Variants in BICRA observed in about 807,000 individuals in gnomAD.
The protein encoded by BICRA is BRD4 interacting chromatin remodeling complex associated protein.
A neutral mutation model predicts 96.9 loss-of-function variants in BICRA; 31 were observed. The ratio of observed to expected loss-of-function variants is 0.32; its 90% CI spans 0.24 to 0.43. The LOEUF is 0.43. Among genes scored for constraint, BICRA ranks in the 20% least tolerant of loss-of-function variants. The probability of loss-of-function intolerance (pLI) is 1.00; values close to 1 mark genes in which losing one functional copy is unlikely to be tolerated. For missense variants in BICRA, 2,283 were observed against 2,190.3 expected (o/e 1.04, Z -0.84); for synonymous variants, 1,350 against 1,071.8 (o/e 1.26, Z -5.07).
At chr19:47,670,199 C>T (rs775765340) in intron 1 of BICRA, among the ~76,000 whole-genome samples, 1 of 152,144 alleles carries the variant, frequency 6.6e-6, no homozygotes, top group Non-Finnish European at 1.5e-5. Context: ...AGTGATACTC[C>T]TGCCTCAGCC....
intron 1 of BICRA, among the ~76,000 whole-genome samples, chr19:47,625,208 C>G (rs1305816677): frequency 6.6e-6 from 1 of 151,762 alleles, no homozygotes; most frequent in Non-Finnish European, 1.5e-5. Flanking sequence ...CCATGTTGGC[C>G]AGGCTGGTCT....
chr19:47,639,078 A>G (rs181536966), intron 1 of BICRA, among the ~76,000 whole-genome samples: 1 of 152,086 alleles, frequency 6.6e-6, no homozygotes, highest in Admixed American at 6.5e-5. Flanking sequence ...ATCACAGCTC[A>G]CTACAACCTC....
intron 1 of BICRA, among the ~76,000 whole-genome samples, chr19:47,622,940 A>G (rs963837825): frequency 6.8e-6 from 1 of 146,888 alleles, no homozygotes. Flanking sequence ...CAGGAGGCTG[A>G]GGCAGAGAAT....
chr19:47,669,760 G>A (rs8106459), intron 1 of BICRA, among the ~76,000 whole-genome samples: 1 of 151,304 alleles, frequency 6.6e-6, no homozygotes. Flanking sequence ...GGGTTCACGC[G>A]ATTCTCCTGC....
chr19:47,697,255 A>T (rs1973360681), intron 11 of BICRA, among the ~76,000 whole-genome samples: 2 of 151,872 alleles, frequency 1.3e-5, no homozygotes, highest in Admixed American at 1.3e-4. Context: ...AGGTGCTGGG[A>T]TTACAGGTGT....
rs1379609764 is a variant in BICRA at position 47,702,119 on chromosome 19, G to A, written c.4387G>A (p.Asp1463Asn). ...CGCCGCCCAAGGCACCGGGGACCCCGACTGGGAGGCGCCCGGGCTGCCCCC... is the reference window on the plus strand; with the variant it reads ...CGCCGCCCAAGGCACCGGGGACCCCAACTGGGAGGCGCCCGGGCTGCCCCC... Reference protein sequence around the residue: ...ASAAQGTGDPDWEAPGLPPAK... With the variant: ...ASAAQGTGDPNWEAPGLPPAK... The change falls in exon 15 of 15, where the codon GAC (aspartate) becomes AAC (asparagine). Residue 1463 changes from aspartate to asparagine, a missense_variant. By Grantham distance (23) the Asp-to-Asn change is conservative. Transcript: ENST00000594866. The A allele has an allele frequency of 7.2e-6, 11 of 1,528,270 alleles. No homozygotes were observed. The highest frequency in any genetic ancestry group is 1.9e-4 in the Middle Eastern group (1 of 5,144). 94.7% of individuals were successfully genotyped at this position (1,528,270 alleles called of 1,614,324 possible). A position where few individuals can be genotyped will look rare whatever the true frequency, so the allele number is the denominator to read the frequency against.
At position 47,680,598 on chromosome 19, in the gene BICRA, C is replaced by G; in HGVS notation, c.1428C>G (p.Gly476=). Reference sequence around the variant, plus strand: ...GCCAGAACCAGTTCCTACTGCCTGGCGCCCCGGCGGTCCAGCTCCCGCAGC... The same window carrying G: ...GCCAGAACCAGTTCCTACTGCCTGGGGCCCCGGCGGTCCAGCTCCCGCAGC... ...LPGQNQFLLP[G]APAVQLPQQL... is the part of the protein sequence containing the mutation. Residue 476 remains glycine, a synonymous_variant, in exon 6 of 15, where the codon GGC becomes GGG. Transcript: ENST00000594866. 1 of 1,608,318 alleles carries G rather than the reference C, an allele frequency of 6.2e-7. No individual in the cohort carries two copies.
Position 47,666,731 on chromosome 19 carries a change from C to G in BICRA, c.-107-3712C>G, listed in dbSNP as rs115788826. Among the ~76,000 whole-genome samples, 714 of 152,150 alleles carry G rather than the reference C, an allele frequency of 4.7e-3. 7 individuals carry two copies. Among genetic ancestry groups the G allele is most frequent in the African/African-American group, 0.016 (678 of 41,520 alleles). On this transcript the variant is annotated intron_variant, in intron 1 of 14. Coordinates refer to ENST00000594866, the MANE Select transcript of BICRA (RefSeq NM_001394372.1). Reference sequence around the variant, plus strand: ...GGACCACAGGTGCCCACCACCACCCCCTGGCTAATTTTAAATTTTTTTGTA... The same window carrying G: ...GGACCACAGGTGCCCACCACCACCCGCTGGCTAATTTTAAATTTTTTTGTA...
At chr19:47,638,180 C>T (rs556286327) in intron 1 of BICRA, among the ~76,000 whole-genome samples, 82 of 152,172 alleles carry the variant, frequency 5.4e-4, no homozygotes, top group Admixed American at 2.0e-3. Context: ...GAGAGTGAGT[C>T]TGGAAGTAAT....
rs1051164087 is a variant in BICRA at position 47,680,492 on chromosome 19, G to C, written c.1322G>C (p.Gly441Ala). ...TTGAAPPQPP[G>A]ALSKPMSVHL... ...GGAGCGGCCCCGCCGCAGCCCCCCG[G>C]GGCCCTGAGCAAACCCATGAGCGTC... is the stretch of plus-strand genomic sequence containing the variant. Residue 441 changes from glycine to alanine, a missense_variant, in exon 6 of 15, where the codon GGG becomes GCG. Gly to Ala is a moderately conservative substitution (Grantham distance 60). Coordinates refer to ENST00000594866, the MANE Select transcript of BICRA (RefSeq NM_001394372.1). 1 of 1,542,720 alleles carries C rather than the reference G, an allele frequency of 6.5e-7. No homozygotes were observed. The highest frequency in any genetic ancestry group is 8.7e-7 in the Non-Finnish European group (1 of 1,145,434).
Position 47,701,541 on chromosome 19 carries a change from C to T in BICRA, c.3809C>T (p.Ser1270Phe), listed in dbSNP as rs922608234. The change falls in exon 15 of 15, where the codon TCC (serine) becomes TTC (phenylalanine). Residue 1270 changes from serine to phenylalanine, a missense_variant. Physicochemically the swap from Ser to Phe is radical, Grantham distance 155. Coordinates refer to ENST00000594866, the MANE Select transcript of BICRA (RefSeq NM_001394372.1). The surrounding 1 kb of genome is among the most constrained non-coding windows in gnomAD (Gnocchi z 5.4). Reference protein sequence around the residue: ...TWARASSSLSSSSSSSSAASS... With the variant: ...TWARASSSLSFSSSSSSAASS... ...GCCCGGGCGTCCTCCTCCCTGTCCT[C>T]CTCTTCCTCCTCCTCCTCTGCCGCC... 7 of 1,549,694 alleles carry T rather than the reference C, an allele frequency of 4.5e-6. No individual in the cohort carries two copies. Among genetic ancestry groups the T allele is most frequent in the African/African-American group, 1.4e-5 (1 of 73,016 alleles).
chr19:47,665,613 G>T (rs553605114), intron 1 of BICRA, among the ~76,000 whole-genome samples: 45 of 152,290 alleles, frequency 3.0e-4, no homozygotes, highest in African/African-American at 1.0e-3. Context: ...GGGATTACCG[G>T]TGTGCAACAC....
chr19:47,690,188 G>A (rs1973220392), intron 7 of BICRA, among the ~76,000 whole-genome samples: 3 of 152,020 alleles, frequency 2.0e-5, no homozygotes, highest in Admixed American at 2.0e-4. Context: ...TTTTAATAGA[G>A]ACGGGGTTTC....
At chr19:47,696,563 T>G in intron 11 of BICRA, 51 bp downstream of exon 11, 1 of 1,504,132 alleles carries the variant, frequency 6.6e-7, no homozygotes, top group East Asian at 2.5e-5. Context: ...TCCAGAGACC[T>G]GGGGGAGCAT....
At chr19:47,625,920 G>C (rs538144765) in intron 1 of BICRA, among the ~76,000 whole-genome samples, 21 of 152,094 alleles carry the variant, frequency 1.4e-4, no homozygotes, top group Non-Finnish European at 2.9e-4. Context: ...GCTCGACATG[G>C]AGAGGCGCCT....
chr19:47,611,861 TG>T (rs1568543495), intron 1 of BICRA, among the ~76,000 whole-genome samples: 3 of 151,948 alleles, frequency 2.0e-5, no homozygotes, highest in Non-Finnish European at 4.4e-5. Flanking sequence ...GAATGTCAAC[TG>T]GTGGCATTTA....
intron 1 of BICRA, among the ~76,000 whole-genome samples, chr19:47,644,981 C>T (rs1599810584): frequency 6.6e-6 from 1 of 152,204 alleles, no homozygotes. Context: ...ATGACACGAA[C>T]GTGCATTTCC....
Position 47,694,144 on chromosome 19 carries a change from A to T in BICRA, c.2313A>T (p.Pro771=), listed in dbSNP as rs1158121895. 5 of 1,206,432 alleles carry T rather than the reference A, an allele frequency of 4.1e-6. No homozygotes were observed. The highest frequency in any genetic ancestry group is 5.3e-6 in the Non-Finnish European group (5 of 948,744). The allele number at this position is 1,206,432 out of a possible 1,614,324, so 74.7% of individuals were successfully genotyped here. A position where few individuals can be genotyped will look rare whatever the true frequency, so the allele number is the denominator to read the frequency against. ...QIPAAAPLKG[P]GPSSSPSLPH... ...CGGCAGCGGCTCCGCTGAAGGGCCC[A>T]GGCCCCTCTTCGTCCCCGTCACTAC... Residue 771 remains proline, a synonymous_variant, in exon 8 of 15, where the codon CCA becomes CCT. Coordinates refer to ENST00000594866, the MANE Select transcript of BICRA (RefSeq NM_001394372.1).
rs868138533 is a variant in BICRA, at chr19:47,610,199, G to T, written c.-108+1031G>T. 6.6e-5 allele frequency among the ~76,000 whole-genome samples: 10 copies of T among 152,352 alleles called. No individual in the cohort carries two copies. The South Asian group carries it at 1.2e-3, about 19-fold the overall frequency. ...CCGCGGGCACCCGGAGGGAGGGATGGAGGAGGAGGGAGGAGGGATGGAGCC... is the reference window on the plus strand; with the variant it reads ...CCGCGGGCACCCGGAGGGAGGGATGTAGGAGGAGGGAGGAGGGATGGAGCC... On this transcript the variant is annotated intron_variant, in intron 1 of 14. Transcript: ENST00000594866.
Sources: gnomAD v4.1 joint callset for allele counts (sites outside exome capture counted in the v4.1 genomes callset) on GRCh38, gnomAD v4.1.1 for gene constraint, Gnocchi (gnomAD v3.1) non-coding constraint, MANE v1.5 for transcripts, NCBI Gene and HGNC (gene_info 2026-07-23, HGNC 2026-07-21) for gene names.